SUGP2: variants seen among roughly 807,000 people sequenced by gnomAD.
SUGP2 encodes SURP and G-patch domain containing 2.
A neutral mutation model predicts 90.5 loss-of-function variants in SUGP2; 24 were observed. That is an observed-to-expected ratio of 0.27 (90% CI 0.19 to 0.37). SUGP2 has a LOEUF of 0.37. Ranked by LOEUF, SUGP2 falls within the 10% of genes least tolerant of loss-of-function variation. The pLI is 1.00. For missense variants in SUGP2, 1,233 were observed against 1,363.3 expected, an observed-to-expected ratio of 0.90 and a Z score of 1.51; for synonymous variants, 473 against 513.4, an observed-to-expected ratio of 0.92 and a Z score of 1.06.
chr19:19,030,294 A>C (rs1230439143), intron 2 of SUGP2, among the ~76,000 whole-genome samples: 1 of 152,164 alleles, frequency 6.6e-6, no homozygotes, highest in Non-Finnish European at 1.5e-5. Context: ...GTTCGAGACC[A>C]GCCTGGCCAA....
At chr19:19,011,958 G>A (rs1351381633) in intron 4 of SUGP2, among the ~76,000 whole-genome samples, 1 of 152,234 alleles carries the variant, frequency 6.6e-6, no homozygotes, top group East Asian at 1.9e-4. Context: ...GTGGCTTTCA[G>A]ATTGTTTGAT....
At chr19:18,998,683 G>A (rs1043210441) in intron 8 of SUGP2, among the ~76,000 whole-genome samples, 3 of 152,076 alleles carry the variant, frequency 2.0e-5, no homozygotes, top group African/African-American at 2.4e-5. Flanking sequence ...GGATGCAGGC[G>A]GCCCCTCCAT....
intron 4 of SUGP2, among the ~76,000 whole-genome samples, chr19:19,016,036 A>G (rs540010091): frequency 2.6e-4 from 39 of 152,290 alleles, no homozygotes; most frequent in Non-Finnish European, 4.4e-4. Context: ...ATATTTATAG[A>G]CTACACCTCC....
chr19:18,995,512 A>G (rs555930562), intron 8 of SUGP2, among the ~76,000 whole-genome samples: 1 of 152,326 alleles, frequency 6.6e-6, no homozygotes, highest in African/African-American at 2.4e-5. Flanking sequence ...AGCTACCACT[A>G]TAACCCTGGT....
Position 19,024,988 on chromosome 19 carries a change from C to T in SUGP2, c.1360G>A (p.Val454Ile), listed in dbSNP as rs376258494. 7 of 1,614,182 alleles carry T rather than the reference C, an allele frequency of 4.3e-6. No individual in the cohort carries two copies. The highest frequency in any genetic ancestry group is 2.2e-5 in the South Asian group (2 of 91,088). ...LMACNAYELS[V>I]KMKTLSNPLD... The stretch of plus-strand genomic sequence containing the variant: ...GGGTTACTGAGGGTCTTCATCTTGA[C>T]ACTTAGCTCGTAGGCATTGCAGGCC... The change falls in exon 3 of 11, where the codon GTC becomes ATC. Residue 454 changes from valine (V) to isoleucine (I), a missense_variant. Around this residue, in one of 8 missense-constraint regions of SUGP2, gnomAD observed 59 missense variants for 92.6 expected, o/e 0.64. Coordinates refer to ENST00000452918, the MANE Select transcript of SUGP2 (RefSeq NM_001017392.5).
At chr19:19,033,615 T>G, upstream of SUGP2, 1 of 1,165,600 alleles carries the variant, frequency 8.6e-7, no homozygotes, top group Non-Finnish European at 1.1e-6. Flanking sequence ...GGCCCGGCTC[T>G]CTTGCGCAAG....
chr19:19,019,487 T>C (rs928748437), intron 3 of SUGP2, among the ~76,000 whole-genome samples: 2 of 152,212 alleles, frequency 1.3e-5, no homozygotes, highest in African/African-American at 4.8e-5. Flanking sequence ...TTTATGTATA[T>C]GCTCTAGAAA....
At chr19:19,022,726 G>A (rs765801433) in intron 3 of SUGP2, among the ~76,000 whole-genome samples, 2 of 152,050 alleles carry the variant, frequency 1.3e-5, no homozygotes, top group South Asian at 2.1e-4. Context: ...GGGGAGTAGG[G>A]TCCCTTAAGC....
intron 3 of SUGP2, among the ~76,000 whole-genome samples, chr19:19,023,051 A>G (rs2058789091): frequency 6.6e-6 from 1 of 152,172 alleles, no homozygotes. Flanking sequence ...GAAACCAAAC[A>G]GCTCATCACT....
intron 3 of SUGP2, among the ~76,000 whole-genome samples, chr19:19,020,660 A>G (rs1263866910): frequency 2.6e-5 from 4 of 151,614 alleles, no homozygotes; most frequent in African/African-American, 9.7e-5. Flanking sequence ...CTGGTCTCCA[A>G]TTCTTGGGCT....
intron 4 of SUGP2, among the ~76,000 whole-genome samples, chr19:19,011,209 T>C (rs1490213896): frequency 6.6e-6 from 1 of 151,752 alleles, no homozygotes; most frequent in South Asian, 2.1e-4. Context: ...GCTTCATGAG[T>C]TGATTACAGC....
Position 19,007,755 on chromosome 19 carries a change from C to CTTTTTTTTTTTTT in SUGP2, c.2450+549_2450+561dup, listed in dbSNP as rs34670209. ...ACAAGCATGAGCCATTGCACCTAGCCTTTTTTTTTTTTTTTTTTTTTGGAG... is the reference window on the plus strand; with the variant it reads ...ACAAGCATGAGCCATTGCACCTAGCCTTTTTTTTTTTTTTTTTTTTTTTTTTTTTTTTTTGGAG... On this transcript the variant is annotated intron_variant, in intron 6 of 10. Coordinates refer to ENST00000452918, the MANE Select transcript of SUGP2 (RefSeq NM_001017392.5). Among the ~76,000 whole-genome samples, 4 of 113,434 alleles carry CTTTTTTTTTTTTT rather than the reference C, an allele frequency of 3.5e-5. 1 individual carries two copies. Among genetic ancestry groups the CTTTTTTTTTTTTT allele is most frequent in the Non-Finnish European group, 3.6e-5 (2 of 55,490 alleles). 74.4% of individuals were successfully genotyped at this position (113,434 alleles called of 152,430 possible).
intron 5 of SUGP2, among the ~76,000 whole-genome samples, chr19:19,008,811 G>C (rs952165126): frequency 1.3e-5 from 2 of 152,212 alleles, no homozygotes; most frequent in African/African-American, 2.4e-5. Context: ...CATCTCAGCT[G>C]ACAGCCTGGA....
chr19:19,005,844 AACACAC>A (rs67270368), intron 6 of SUGP2, among the ~76,000 whole-genome samples: 13 of 46,464 alleles, frequency 2.8e-4, no homozygotes, highest in African/African-American at 4.3e-4. Flanking sequence ...CAGGCTAACA[AACACAC>A]ACACACACAC....
intron 4 of SUGP2, among the ~76,000 whole-genome samples, chr19:19,016,135 T>C (rs775694645): frequency 2.0e-5 from 3 of 152,150 alleles, no homozygotes; most frequent in Non-Finnish European, 4.4e-5. Context: ...ACCTCAAATA[T>C]CAGTTCTTAG....
intron 4 of SUGP2, among the ~76,000 whole-genome samples, chr19:19,010,644 A>T (rs79729166): frequency 1.8e-3 from 269 of 152,350 alleles, no homozygotes; most frequent in African/African-American, 6.2e-3. Flanking sequence ...TTGGAGCCAT[A>T]GCACCCTGGC....
intron 6 of SUGP2, chr19:19,007,315 C>G (rs2058116029): frequency 6.6e-6 from 1 of 152,334 alleles, no homozygotes; most frequent in Non-Finnish European, 1.5e-5. Context: ...CTGACTATCA[C>G]TACTATCATG....
At chr19:19,001,465 A>G in intron 8 of SUGP2, 148 bp downstream of exon 8, 1 of 813,200 alleles carries the variant, frequency 1.2e-6, no homozygotes. Context: ...AAGCCCTCCC[A>G]AGAGAAAAGT....
At chr19:19,018,624 T>C (rs776670438) in intron 4 of SUGP2, among the ~76,000 whole-genome samples, 5 of 136,530 alleles carry the variant, frequency 3.7e-5, no homozygotes, top group Non-Finnish European at 6.1e-5. Context: ...GAGGCGGAGG[T>C]TGCGGTGAGC....
Sources: allele counts gnomAD v4.1 joint callset (sites outside exome capture counted in the v4.1 genomes callset), GRCh38; gene constraint gnomAD v4.1.1; regional missense constraint gnomAD v4.1.1; transcripts MANE v1.5; gene names NCBI Gene and HGNC (gene_info 2026-07-23, HGNC 2026-07-21).